CCDC88C: variants seen among roughly 807,000 people sequenced by gnomAD.
CCDC88C encodes the protein coiled-coil and HOOK domain protein 88C, also known as protein Daple.
In CCDC88C, 131 loss-of-function variants were observed where a neutral mutation model predicts 198.8. That is an observed-to-expected ratio of 0.66 (90% CI 0.57 to 0.76). The LOEUF is 0.76. Among genes scored for constraint, CCDC88C ranks in the 30% least tolerant of loss-of-function variants. CCDC88C has a pLI of 0.00. For synonymous variants in CCDC88C, 1,166 were observed against 1,114.7 expected (o/e 1.05, Z -0.92); for missense variants, 2,553 against 2,631.6 (o/e 0.97, Z 0.65).
At chr14:91,392,444 G>A (rs147666703) in intron 3 of CCDC88C, among the ~76,000 whole-genome samples, 1 of 152,058 alleles carries the variant, frequency 6.6e-6, no homozygotes, top group African/African-American at 2.4e-5. Context: ...CCTTTTCAAG[G>A]GGAAAGAGAA....
In CCDC88C at chr14:91,417,622, C is replaced by A. The variant is rs759165384; in HGVS notation, c.60+9G>T. The A allele has an allele frequency of 1.9e-6, 3 of 1,586,450 alleles. No individual in the cohort carries two copies. The highest frequency in any genetic ancestry group is 1.7e-5 in the Admixed American group (1 of 58,032). ...ACCAACAAAGGGGCGGGGAGCCAGG[C>A]GCACTCACCCAGGTCACCAGCGGGC... On this transcript the variant is annotated intron_variant, in intron 1 of 29. Transcript: ENST00000389857.
chr14:91,315,140 G>A (rs1007956040), intron 14 of CCDC88C, among the ~76,000 whole-genome samples: 3 of 152,036 alleles, frequency 2.0e-5, no homozygotes, highest in African/African-American at 4.8e-5. Context: ...TCTCCTGCTT[G>A]TACCTTAGGG....
intron 4 of CCDC88C, among the ~76,000 whole-genome samples, chr14:91,355,645 A>G (rs535021707): frequency 3.3e-5 from 5 of 152,282 alleles, no homozygotes; most frequent in African/African-American, 1.2e-4. Context: ...TTCAAAAGCA[A>G]TTTTCAGTAT....
intron 3 of CCDC88C, among the ~76,000 whole-genome samples, chr14:91,402,321 C>T (rs193230850): frequency 1.1e-3 from 160 of 152,294 alleles, no homozygotes; most frequent in African/African-American, 3.8e-3. Context: ...AAAAGACTTT[C>T]CTTCTTCAAA....
rs868187389 is a variant in CCDC88C at position 91,271,658 on chromosome 14, G to A, written c.*967C>T. On this transcript the variant is annotated 3_prime_UTR_variant, in exon 30 of 30. Transcript: ENST00000389857. Reference sequence around the variant, plus strand: ...CCCAAAGTATACATATTTCACATGAGTGTGTACATATACATGTCATATATT... The same window carrying A: ...CCCAAAGTATACATATTTCACATGAATGTGTACATATACATGTCATATATT... 1 of 152,180 alleles carries A rather than the reference G, an allele frequency of 6.6e-6. No individual in the cohort carries two copies. Among genetic ancestry groups the A allele is most frequent in the Admixed American group, 6.5e-5 (1 of 15,286 alleles). 9.4% of individuals were successfully genotyped at this position (152,180 alleles called of 1,614,324 possible).
intron 4 of CCDC88C, among the ~76,000 whole-genome samples, chr14:91,351,319 T>C (rs544725044): frequency 6.6e-6 from 1 of 152,178 alleles, no homozygotes; most frequent in Non-Finnish European, 1.5e-5. Flanking sequence ...AGCAGTGCAC[T>C]GAACACGACC....
At chr14:91,282,431 A>G (rs975532415) in intron 26 of CCDC88C, among the ~76,000 whole-genome samples, 2 of 152,172 alleles carry the variant, frequency 1.3e-5, no homozygotes, top group Non-Finnish European at 2.9e-5. Flanking sequence ...TTTCCGTTTT[A>G]AGCATTATCT....
intron 4 of CCDC88C, among the ~76,000 whole-genome samples, chr14:91,355,311 C>T (rs988062579): frequency 6.6e-6 from 1 of 152,118 alleles, no homozygotes; most frequent in Admixed American, 6.5e-5. Flanking sequence ...GGAAACAAGG[C>T]GAAGGACGCT....
chr14:91,408,920 C>T (rs1886654715), intron 2 of CCDC88C, among the ~76,000 whole-genome samples, 153 bp from the exon 3 acceptor site: 1 of 152,126 alleles, frequency 6.6e-6, no homozygotes, highest in Admixed American at 6.6e-5. Context: ...CCAATCCTGC[C>T]ACTGCTAAGC....
At chr14:91,301,487 A>C (rs1891280927) in intron 20 of CCDC88C, among the ~76,000 whole-genome samples, 1 of 152,232 alleles carries the variant, frequency 6.6e-6, no homozygotes, top group Admixed American at 6.5e-5. Context: ...AGGCCGAGAC[A>C]GGTGGATCAC....
At chr14:91,342,154 T>G (rs1334233564) in intron 6 of CCDC88C, 3 of 405,728 alleles carry the variant, frequency 7.4e-6, no homozygotes, top group East Asian at 7.6e-5. Flanking sequence ...TGAGGTGTTT[T>G]TTTTTTTTAA....
At chr14:91,353,403 G>A (rs981354745) in intron 4 of CCDC88C, among the ~76,000 whole-genome samples, 6 of 152,154 alleles carry the variant, frequency 3.9e-5, no homozygotes, top group African/African-American at 7.2e-5. Context: ...AATAAATGTC[G>A]CAGGACTCTG....
chr14:91,333,903 T>C (rs959987116), intron 10 of CCDC88C, among the ~76,000 whole-genome samples: 10 of 152,270 alleles, frequency 6.6e-5, no homozygotes, highest in African/African-American at 2.2e-4. Context: ...CTGATCAGTA[T>C]TTTTAACTGT....
chr14:91,395,920 C>G (rs531906670), intron 3 of CCDC88C, among the ~76,000 whole-genome samples: 1 of 152,188 alleles, frequency 6.6e-6, no homozygotes, highest in African/African-American at 2.4e-5. Flanking sequence ...CCCTAAATAC[C>G]ACCAACTCAG....
chr14:91,278,601 C>T (rs1255547501), intron 28 of CCDC88C, among the ~76,000 whole-genome samples: 3 of 152,128 alleles, frequency 2.0e-5, no homozygotes, highest in Admixed American at 1.3e-4. Context: ...ATACATGTTC[C>T]GAGAATCAAA....
chr14:91,339,814 T>A lies in CCDC88C; in HGVS notation c.624+70A>T. 1 of 1,464,978 alleles carries A rather than the reference T, an allele frequency of 6.8e-7. No homozygotes were observed. The highest frequency in any genetic ancestry group is 1.4e-5 in the South Asian group (1 of 73,978). The allele number at this position is 1,464,978 out of a possible 1,614,324, so 90.7% of individuals were successfully genotyped here. A position where few individuals can be genotyped will look rare whatever the true frequency, so the allele number is the denominator to read the frequency against. On this transcript the variant is annotated intron_variant, in intron 7 of 29. Coordinates refer to ENST00000389857, the MANE Select transcript of CCDC88C (RefSeq NM_001080414.4). This position sits in a 1 kb window ranked among gnomAD's most constrained non-coding sequence, Gnocchi z 5.8. ...AGGACCGAGGCGTCTAGGCTGAAGATGAAGGGAGAGGAGATGAAGGGGCCT... is the reference window on the plus strand; with the variant it reads ...AGGACCGAGGCGTCTAGGCTGAAGAAGAAGGGAGAGGAGATGAAGGGGCCT...
Position 91,284,325 on chromosome 14 carries a change from G to A in CCDC88C, c.4442-808C>T, listed in dbSNP as rs576283669. Among the ~76,000 whole-genome samples, 2 of 152,302 alleles carry A rather than the reference G, an allele frequency of 1.3e-5. No individual in the cohort carries two copies. The highest frequency in any genetic ancestry group is 1.3e-4 in the Admixed American group (2 of 15,308). On this transcript the variant is annotated intron_variant, in intron 25 of 29. Transcript: ENST00000389857. This position sits in a 1 kb window ranked among gnomAD's most constrained non-coding sequence, Gnocchi z 4.1. Reference sequence around the variant, plus strand: ...GTTCGGCTTCTCCACCCATCAAGCCGTCTGCCCTCCCAGCCACTCAAAGTC... The same window carrying A: ...GTTCGGCTTCTCCACCCATCAAGCCATCTGCCCTCCCAGCCACTCAAAGTC...
chr14:91,358,115 C>T (rs772081843), intron 4 of CCDC88C, among the ~76,000 whole-genome samples: 13 of 152,292 alleles, frequency 8.5e-5, no homozygotes, highest in Non-Finnish European at 1.2e-4. Context: ...AGCGCCCCCA[C>T]GGAACAAGGA....
intron 4 of CCDC88C, among the ~76,000 whole-genome samples, chr14:91,359,204 C>A (rs1187936768): frequency 7.4e-6 from 1 of 134,532 alleles, no homozygotes; most frequent in African/African-American, 2.8e-5. Context: ...TTGCTCTGTG[C>A]CCAGGCTGGA....
Sources: gnomAD v4.1 joint callset for allele counts (sites outside exome capture counted in the v4.1 genomes callset) on GRCh38, gnomAD v4.1.1 for gene constraint, Gnocchi (gnomAD v3.1) non-coding constraint, MANE v1.5 for transcripts, NCBI Gene and HGNC (gene_info 2026-07-23, HGNC 2026-07-21) for gene names.